ALS2: variants seen among roughly 807,000 people sequenced by gnomAD.
ALS2 encodes the protein alsin.
A neutral mutation model predicts 203.4 loss-of-function variants in ALS2; 117 were observed. That is an observed-to-expected ratio of 0.58 (90% CI 0.50 to 0.67). The LOEUF is 0.67. ALS2 is among the 30% of genes least tolerant of loss of function. The pLI, the probability that ALS2 is intolerant of heterozygous loss-of-function variation, is 0.00. For missense variants in ALS2, 1,715 were observed against 1,989.4 expected, an observed-to-expected ratio of 0.86 and a Z score of 2.62; for synonymous variants, 718 against 725.9, an observed-to-expected ratio of 0.99 and a Z score of 0.17.
intron 4 of ALS2, among the ~76,000 whole-genome samples, chr2:201,758,668 GCTT>G (rs1353703398): frequency 1.3e-5 from 2 of 151,926 alleles, no homozygotes; most frequent in Non-Finnish European, 2.9e-5. Flanking sequence ...TGAAAAATTT[GCTT>G]CTTATTGTAC....
At chr2:201,728,959 C>A in intron 14 of ALS2, 93 bp downstream of exon 14, 1 of 1,596,390 alleles carries the variant, frequency 6.3e-7, no homozygotes, top group Admixed American at 1.7e-5. Flanking sequence ...AGGTTATTAC[C>A]ACAAACAAGT....
intron 33 of ALS2, among the ~76,000 whole-genome samples, chr2:201,702,268 A>G (rs1689436603): frequency 6.6e-6 from 1 of 152,034 alleles, no homozygotes; most frequent in African/African-American, 2.4e-5. Flanking sequence ...TAATAAATAT[A>G]CAGATTAAGC....
At position 201,728,498 on chromosome 2, in the gene ALS2, G is replaced by A; in HGVS notation, c.2841+14C>T. The A allele has an allele frequency of 6.2e-7, 1 of 1,614,010 alleles. No individual in the cohort carries two copies. The highest frequency in any genetic ancestry group is 8.5e-7 in the Non-Finnish European group (1 of 1,179,996). ...CCTTTCAGGAATTCTTTTAAGGTTA[G>A]GAATCCAGCCTACCTGGGCATGGAC... On this transcript the variant is annotated intron_variant, in intron 15 of 33. Coordinates refer to ENST00000264276, the MANE Select transcript of ALS2 (RefSeq NM_020919.4).
rs1234085357 is a variant in ALS2 at position 201,741,849 on chromosome 2, A to T, written c.2176T>A (p.Leu726Met). 2 of 1,612,160 alleles carry T rather than the reference A, an allele frequency of 1.2e-6. No individual in the cohort carries two copies. The highest frequency in any genetic ancestry group is 1.1e-5 in the South Asian group (1 of 90,910). ...ILRPLLSLEN[L>M]GTTTTVQLLQ... The stretch of plus-strand genomic sequence containing the variant: ...AGCTGGACTGTAGTTGTAGTGCCCA[A>T]ATTTTCTATAACAAAATAATGATGA... The change falls in exon 11 of 34, where the codon TTG (leucine) becomes ATG (methionine). Residue 726 changes from leucine to methionine, a missense_variant. This residue lies in a region of ALS2 where 1,227 missense variants were observed against 1,413.5 expected (regional missense o/e 0.87). Transcript: ENST00000264276.
intron 12 of ALS2, among the ~76,000 whole-genome samples, chr2:201,735,800 C>T (rs1169792500): frequency 6.6e-6 from 1 of 152,210 alleles, no homozygotes; most frequent in Non-Finnish European, 1.5e-5. Context: ...GAACCAGGGT[C>T]AGTAACTGCT....
intron 19 of ALS2, among the ~76,000 whole-genome samples, chr2:201,726,071 T>C (rs1167341427): frequency 6.6e-6 from 1 of 152,092 alleles, no homozygotes; most frequent in Non-Finnish European, 1.5e-5. Flanking sequence ...ACTTGGAAAA[T>C]TTCTCCTTTA....
intron 10 of ALS2, among the ~76,000 whole-genome samples, chr2:201,742,221 C>T (rs1692325018): frequency 6.6e-6 from 1 of 152,212 alleles, no homozygotes; most frequent in Non-Finnish European, 1.5e-5. Flanking sequence ...AATTATCTAA[C>T]TTAAGCCACT....
chr2:201,766,230 C>T (rs1348713181), intron 3 of ALS2, among the ~76,000 whole-genome samples: 1 of 152,080 alleles, frequency 6.6e-6, no homozygotes, highest in African/African-American at 2.4e-5. Context: ...TATTTATTAC[C>T]ATAAAATTTT....
chr2:201,765,491 A>T (rs1694029609), intron 3 of ALS2: 1 of 167,120 alleles, frequency 6.0e-6, no homozygotes, highest in Admixed American at 6.5e-5. Context: ...CTGAAGAATA[A>T]TATTATAATA....
intron 3 of ALS2, chr2:201,763,006 G>A (rs1693847208): frequency 6.2e-6 from 1 of 161,332 alleles, no homozygotes; most frequent in African/African-American, 2.4e-5. Flanking sequence ...CTTTTTCCTG[G>A]GGACCTCTCT....
In ALS2 at chr2:201,775,926, C is replaced by G. The variant is rs542322751; in HGVS notation, c.-61+4951G>C. Reference sequence around the variant, plus strand: ...GAGGTCAGAGACTATGACTTATTCACCGGTATACTCTTGTACCCATAATAA... The same window carrying G: ...GAGGTCAGAGACTATGACTTATTCAGCGGTATACTCTTGTACCCATAATAA... On this transcript the variant is annotated intron_variant, in intron 1 of 33. Coordinates refer to ENST00000264276, the MANE Select transcript of ALS2 (RefSeq NM_020919.4). 2.6e-4 allele frequency among the ~76,000 whole-genome samples: 40 copies of G among 152,262 alleles called. 1 individual carries two copies. The highest frequency in any genetic ancestry group is 8.9e-4 in the African/African-American group (37 of 41,544).
At chr2:201,732,471 G>A (rs1404730897) in intron 13 of ALS2, among the ~76,000 whole-genome samples, 1 of 152,008 alleles carries the variant, frequency 6.6e-6, no homozygotes, top group Non-Finnish European at 1.5e-5. Context: ...AGGAGGCTGA[G>A]GCATGAGAAT....
At chr2:201,777,180 A>G (rs531146259) in intron 1 of ALS2, among the ~76,000 whole-genome samples, 1 of 152,184 alleles carries the variant, frequency 6.6e-6, no homozygotes, top group East Asian at 1.9e-4. Context: ...GCTCCCCTAT[A>G]CTTCCAGAGT....
chr2:201,707,733 C>T (rs1689812051), intron 28 of ALS2, 136 bp downstream of exon 28: 1 of 1,203,796 alleles, frequency 8.3e-7, no homozygotes, highest in African/African-American at 1.5e-5. Flanking sequence ...CTGGCCCCAA[C>T]CCTCCTGGCC....
In ALS2 at chr2:201,757,609, T is replaced by C. The variant is rs1200155779; in HGVS notation, c.1264A>G (p.Met422Val). Residue 422 changes from methionine to valine, a missense_variant, in exon 5 of 34, where the codon ATG (methionine) becomes GTG (valine). This residue lies in a region of ALS2 where 476 missense variants were observed against 539.3 expected (regional missense o/e 0.88). Transcript: ENST00000264276. ...EAGALSLKKV[M>V]NFYSTTPCET... Reference sequence around the variant, plus strand: ...CAAGGGGTTGTACTATAAAAGTTCATAACTTTCTTCAGTGACAAGGCACCA... The same window carrying C: ...CAAGGGGTTGTACTATAAAAGTTCACAACTTTCTTCAGTGACAAGGCACCA... 1 of 1,614,168 alleles carries C rather than the reference T, an allele frequency of 6.2e-7. No homozygotes were observed. The highest frequency in any genetic ancestry group is 1.1e-5 in the South Asian group (1 of 91,084).
At chr2:201,704,768 TGAGAAAAGTAG>T in intron 31 of ALS2, among the ~76,000 whole-genome samples, 165 bp from the exon 32 acceptor site, 1 of 152,204 alleles carries the variant, frequency 6.6e-6, no homozygotes. Context: ...CATGGTGCTA[TGAGAAAAGTAG>T]CCTCCAACTG....
At chr2:201,739,791 T>C (rs553427180) in intron 11 of ALS2, among the ~76,000 whole-genome samples, 1 of 151,054 alleles carries the variant, frequency 6.6e-6, no homozygotes, top group Admixed American at 6.6e-5. Flanking sequence ...TAAGAAAATA[T>C]GTTAAAAGTG....
At chr2:201,766,627 C>T (rs934358457) in intron 3 of ALS2, among the ~76,000 whole-genome samples, 2 of 149,362 alleles carry the variant, frequency 1.3e-5, no homozygotes, top group South Asian at 4.3e-4. Flanking sequence ...CCAGCCTGGG[C>T]GACAAGAGCA....
At chr2:201,775,327 A>G (rs1694607048) in intron 1 of ALS2, among the ~76,000 whole-genome samples, 1 of 152,068 alleles carries the variant, frequency 6.6e-6, no homozygotes. Flanking sequence ...AATTACCATC[A>G]ATTTCCTATA....
Sources: allele counts gnomAD v4.1 joint callset (sites outside exome capture counted in the v4.1 genomes callset), GRCh38; gene constraint gnomAD v4.1.1; regional missense constraint gnomAD v4.1.1; transcripts MANE v1.5; gene names NCBI Gene and HGNC (gene_info 2026-07-23, HGNC 2026-07-21).